EPB41L4B: variants seen among roughly 807,000 people sequenced by gnomAD.
The protein encoded by EPB41L4B is erythrocyte membrane protein band 4.1 like 4B.
Under a neutral mutation model 112.5 loss-of-function variants are expected in EPB41L4B, and 30 were observed. The observed-to-expected ratio is 0.27, with a 90% CI of 0.20 to 0.36. The LOEUF (loss-of-function observed/expected upper bound fraction) is 0.36, where lower values mean the gene tolerates loss of function less well. EPB41L4B is among the 10% of genes least tolerant of loss of function. EPB41L4B has a pLI of 1.00. For missense variants in EPB41L4B, 1,024 were observed against 1,133.3 expected (o/e 0.90, Z 1.38); for synonymous variants, 408 against 439.7 (o/e 0.93, Z 0.90).
rs573831159 is a variant in EPB41L4B at position 109,194,929 on chromosome 9, T to C, written c.2046-532A>G. Among the ~76,000 whole-genome samples the C allele has an allele frequency of 1.1e-4, 16 of 152,324 alleles. 1 individual carries two copies. The South Asian group carries it at 3.3e-3, about 32-fold the overall frequency. ...GTCTGGCTTATTTTAGTCACCATAA[T>C]ATTTTTAAGGTCCATCCACATTGTA... On this transcript the variant is annotated intron_variant, in intron 20 of 25. Coordinates refer to ENST00000374566, the MANE Select transcript of EPB41L4B (RefSeq NM_019114.5).
At chr9:109,233,868 C>T (rs1834044942) in intron 15 of EPB41L4B, among the ~76,000 whole-genome samples, 1 of 152,138 alleles carries the variant, frequency 6.6e-6, no homozygotes, top group African/African-American at 2.4e-5. Context: ...TGGTAAATAT[C>T]AACTCATTCA....
At chr9:109,272,426 C>A (rs1412328659) in intron 2 of EPB41L4B, among the ~76,000 whole-genome samples, 1 of 152,134 alleles carries the variant, frequency 6.6e-6, no homozygotes, top group Non-Finnish European at 1.5e-5. Flanking sequence ...CACACTACTG[C>A]ACTCCAGCCT....
intron 11 of EPB41L4B, among the ~76,000 whole-genome samples, chr9:109,253,874 C>A (rs746323765): frequency 6.6e-6 from 1 of 152,360 alleles, no homozygotes; most frequent in African/African-American, 2.4e-5. Context: ...TAACCTTTCA[C>A]AGAACACACT....
intron 24 of EPB41L4B, among the ~76,000 whole-genome samples, chr9:109,181,584 C>A (rs1487079301): frequency 6.6e-6 from 1 of 152,112 alleles, no homozygotes; most frequent in Non-Finnish European, 1.5e-5. Flanking sequence ...TGCCTGTAAT[C>A]TCAGCACATT....
chr9:109,201,333 C>T (rs1178493128), intron 19 of EPB41L4B, among the ~76,000 whole-genome samples: 2 of 151,560 alleles, frequency 1.3e-5, no homozygotes, highest in Admixed American at 1.3e-4. Flanking sequence ...GTTTGTAGTC[C>T]CAGCTACTCA....
Position 109,255,251 on chromosome 9 carries a change from C to T in EPB41L4B, c.1169+260G>A, listed in dbSNP as rs544636920. Among the ~76,000 whole-genome samples the T allele has an allele frequency of 4.6e-5, 7 of 152,326 alleles. No individual in the cohort carries two copies. The South Asian group carries it at 8.3e-4, about 18-fold the overall frequency. ...TCATATTCATTAACTTAAATTGCCACGTGTGGCTAGTGCCTACTGTATTGA... is the reference window on the plus strand; with the variant it reads ...TCATATTCATTAACTTAAATTGCCATGTGTGGCTAGTGCCTACTGTATTGA... On this transcript the variant is annotated intron_variant, in intron 11 of 25. Coordinates refer to ENST00000374566, the MANE Select transcript of EPB41L4B (RefSeq NM_019114.5).
chr9:109,217,013 G>C lies in EPB41L4B; in HGVS notation c.1542C>G (p.His514Gln), dbSNP rs1564272476. The C allele has an allele frequency of 6.2e-7, 1 of 1,614,218 alleles. No individual in the cohort carries two copies. Among genetic ancestry groups the C allele is most frequent in the South Asian group, 1.1e-5 (1 of 91,086 alleles). Reference sequence around the variant, plus strand: ...AGAGGCTGTAGTTTGAGTGGTGCTGGTGCTGATGCTGATGCTGGTGCTGGT... The same window carrying C: ...AGAGGCTGTAGTTTGAGTGGTGCTGCTGCTGATGCTGATGCTGGTGCTGGT... ...HHHQHQHQHQ[H>Q]QHHSNYSLSL... The change falls in exon 16 of 26, where the codon CAC becomes CAG. Residue 514 changes from histidine (H) to glutamine (Q), a missense_variant. Transcript: ENST00000374566.
At chr9:109,266,414 G>A (rs910429048) in intron 4 of EPB41L4B, among the ~76,000 whole-genome samples, 10 of 151,924 alleles carry the variant, frequency 6.6e-5, no homozygotes, top group African/African-American at 2.4e-4. Flanking sequence ...TAACCAGTCA[G>A]TCTTTAAGGC....
chr9:109,271,885 C>T (rs1391361273), intron 2 of EPB41L4B, among the ~76,000 whole-genome samples: 1 of 152,220 alleles, frequency 6.6e-6, no homozygotes, highest in Non-Finnish European at 1.5e-5. Flanking sequence ...CTGGCAAAAT[C>T]CTTTCCATAA....
chr9:109,279,588 G>A (rs1835957969), intron 2 of EPB41L4B, among the ~76,000 whole-genome samples: 1 of 152,140 alleles, frequency 6.6e-6, no homozygotes, highest in Non-Finnish European at 1.5e-5. Context: ...CATCCCTAAT[G>A]AATCCCATTC....
intron 15 of EPB41L4B, among the ~76,000 whole-genome samples, chr9:109,234,838 A>G (rs1834083517): frequency 6.6e-6 from 1 of 152,234 alleles, no homozygotes; most frequent in Non-Finnish European, 1.5e-5. Context: ...AGCCTGGGTG[A>G]CAGAGACAGA....
chr9:109,247,061 A>G (rs1225493149), intron 14 of EPB41L4B, among the ~76,000 whole-genome samples: 2 of 151,868 alleles, frequency 1.3e-5, no homozygotes, highest in Admixed American at 1.3e-4. Context: ...AGTGGTATTC[A>G]TGATAATAGC....
chr9:109,216,925 T>C lies in EPB41L4B; in HGVS notation c.1630A>G (p.Thr544Ala). The change falls in exon 16 of 26, where the codon ACA (threonine) becomes GCA (alanine). Residue 544 changes from threonine to alanine, a missense_variant. Transcript: ENST00000374566. ...RSPNSSSKSL[T>A]KLSPGTPALF... ...TGCCCCCTCCACCCCTACTCACTTG[T>C]AAGGGACTTGCTGCTGGAGTTTGGG... The C allele has an allele frequency of 6.2e-7, 1 of 1,614,028 alleles. No homozygotes were observed. The highest frequency in any genetic ancestry group is 1.1e-5 in the South Asian group (1 of 91,076).
At chr9:109,257,212 C>G (rs1835015039) in intron 7 of EPB41L4B, among the ~76,000 whole-genome samples, 1 of 152,072 alleles carries the variant, frequency 6.6e-6, no homozygotes, top group Non-Finnish European at 1.5e-5. Context: ...TTCAGAATGA[C>G]TGAGGGATAA....
intron 17 of EPB41L4B, among the ~76,000 whole-genome samples, chr9:109,208,485 T>G (rs962985776): frequency 2.0e-5 from 3 of 152,228 alleles, no homozygotes; most frequent in African/African-American, 4.8e-5. Context: ...ACAACAAATC[T>G]TGCAGAAAAT....
intron 24 of EPB41L4B, among the ~76,000 whole-genome samples, chr9:109,180,410 G>A (rs1832013138): frequency 6.6e-6 from 1 of 152,208 alleles, no homozygotes; most frequent in Non-Finnish European, 1.5e-5. Flanking sequence ...GCTTCCAGCT[G>A]GGGAGCTGTG....
At chr9:109,211,374 C>A (rs573222802) in intron 17 of EPB41L4B, among the ~76,000 whole-genome samples, 6 of 151,998 alleles carry the variant, frequency 3.9e-5, no homozygotes, top group Non-Finnish European at 8.8e-5. Context: ...GAGTGTGGAT[C>A]ACTTGAGGCC....
chr9:109,184,461 T>C (rs545474706), intron 23 of EPB41L4B, among the ~76,000 whole-genome samples: 3 of 152,182 alleles, frequency 2.0e-5, no homozygotes, highest in Non-Finnish European at 4.4e-5. Context: ...TCAGGTGATC[T>C]GCCTGCCTCA....
chr9:109,174,365 C>G lies in EPB41L4B; in HGVS notation c.*189G>C. ...AACTACATAGAGTAATAGAAAAACT[C>G]TAATGCTTAGGAGACATAAAATAAC... On this transcript the variant is annotated 3_prime_UTR_variant, in exon 26 of 26. Coordinates refer to ENST00000374566, the MANE Select transcript of EPB41L4B (RefSeq NM_019114.5). 1.7e-6 allele frequency: 1 copy of G among 575,612 alleles called. No homozygotes were observed. Among genetic ancestry groups the G allele is most frequent in the Non-Finnish European group, 3.1e-6 (1 of 319,282 alleles). The allele number at this position is 575,612 out of a possible 1,614,324, so 35.7% of individuals were successfully genotyped here. A position where few individuals can be genotyped will look rare whatever the true frequency, so the allele number is the denominator to read the frequency against.
Sources: allele counts gnomAD v4.1 joint callset (sites outside exome capture counted in the v4.1 genomes callset), GRCh38; gene constraint gnomAD v4.1.1; transcripts MANE v1.5; gene names NCBI Gene and HGNC (gene_info 2026-07-23, HGNC 2026-07-21).